Variants in MYO1E observed in about 807,000 individuals in gnomAD.
MYO1E encodes unconventional myosin-Ie.
In MYO1E, 68 loss-of-function variants were observed where a neutral mutation model predicts 151.1. The observed-to-expected ratio is 0.45, with a 90% CI of 0.37 to 0.55. The LOEUF (loss-of-function observed/expected upper bound fraction) is 0.55. Ranked by LOEUF, MYO1E falls within the 20% of genes least tolerant of loss-of-function variation. The probability of loss-of-function intolerance (pLI) is 0.00; values close to 1 mark genes in which losing one functional copy is unlikely to be tolerated. For synonymous variants in MYO1E, 601 were observed against 501.7 expected (o/e 1.20, Z -2.64); for missense variants, 1,363 against 1,389.3 (o/e 0.98, Z 0.30).
At position 59,137,348 on chromosome 15, in the gene MYO1E, C is replaced by T. The variant is rs777328038; in HGVS notation, c.*32G>A. On this transcript the variant is annotated 3_prime_UTR_variant, in exon 28 of 28. Transcript: ENST00000288235. ...CCTCCCCTGGTCTGTGCCTGGAGCTCCTCTGCCCCATGTGTCAGAGTCACG... is the reference window on the plus strand; with the variant it reads ...CCTCCCCTGGTCTGTGCCTGGAGCTTCTCTGCCCCATGTGTCAGAGTCACG... 1 of 1,592,342 alleles carries T rather than the reference C, an allele frequency of 6.3e-7. No individual in the cohort carries two copies. The highest frequency in any genetic ancestry group is 8.6e-7 in the Non-Finnish European group (1 of 1,160,092).
chr15:59,292,803 C>T (rs1434240729), intron 1 of MYO1E, among the ~76,000 whole-genome samples: 1 of 152,204 alleles, frequency 6.6e-6, no homozygotes, highest in Non-Finnish European at 1.5e-5. Flanking sequence ...CTGAACATAG[C>T]CCACTATCTA....
chr15:59,196,937 T>C (rs1234880262), intron 16 of MYO1E, among the ~76,000 whole-genome samples: 2 of 151,822 alleles, frequency 1.3e-5, no homozygotes, highest in Admixed American at 6.6e-5. Context: ...CCCAAATTCT[T>C]AATTTTTTAA....
intron 1 of MYO1E, among the ~76,000 whole-genome samples, chr15:59,305,650 C>T (rs2080510521): frequency 6.6e-6 from 1 of 152,212 alleles, no homozygotes. Context: ...TTCCTCCCAT[C>T]TGAACAACTG....
intron 16 of MYO1E, among the ~76,000 whole-genome samples, chr15:59,202,038 C>T (rs544968554): frequency 1.3e-5 from 2 of 152,336 alleles, no homozygotes; most frequent in African/African-American, 4.8e-5. Context: ...AACATAAATT[C>T]TTCCAGGTTC....
intron 23 of MYO1E, among the ~76,000 whole-genome samples, chr15:59,162,358 G>C (rs2079542383): frequency 6.6e-6 from 1 of 152,164 alleles, no homozygotes; most frequent in Admixed American, 6.5e-5. Flanking sequence ...AGAAATGAAG[G>C]TGAGGCTGGG....
rs527577651 is a variant in MYO1E at position 59,209,443 on chromosome 15, C to T, written c.1363-595G>A. On this transcript the variant is annotated intron_variant, in intron 13 of 27. Coordinates refer to ENST00000288235, the MANE Select transcript of MYO1E (RefSeq NM_004998.4). ...CTGTAATCCCAGCAATTTAGGAGGCCGAGGGGGGTGGATCACGAGGTCAGG... is the reference window on the plus strand; with the variant it reads ...CTGTAATCCCAGCAATTTAGGAGGCTGAGGGGGGTGGATCACGAGGTCAGG... 7.5e-5 allele frequency among the ~76,000 whole-genome samples: 10 copies of T among 133,468 alleles called. 2 individuals are homozygous for T. In the South Asian group the frequency reaches 2.8e-3, roughly 37 times the overall value. The allele number at this position is 133,468 out of a possible 152,430, so 87.6% of individuals were successfully genotyped here. A position where few individuals can be genotyped will look rare whatever the true frequency, so the allele number is the denominator to read the frequency against.
intron 1 of MYO1E, among the ~76,000 whole-genome samples, chr15:59,303,919 CA>C (rs1442317529): frequency 6.6e-6 from 1 of 151,856 alleles, no homozygotes; most frequent in Non-Finnish European, 1.5e-5. Flanking sequence ...AGTTTCCATA[CA>C]CATTAAAGTG....
At chr15:59,224,019 G>C (rs943037965) in intron 8 of MYO1E, among the ~76,000 whole-genome samples, 1 of 152,200 alleles carries the variant, frequency 6.6e-6, no homozygotes, top group African/African-American at 2.4e-5. Flanking sequence ...CTCAGTTCTG[G>C]ATCTGGGTTG....
chr15:59,235,408 C>A (rs1466103057), intron 5 of MYO1E, among the ~76,000 whole-genome samples: 1 of 151,684 alleles, frequency 6.6e-6, no homozygotes, highest in Non-Finnish European at 1.5e-5. Flanking sequence ...CTTTTGATCC[C>A]TCAAATGGCA....
At chr15:59,288,250 A>C (rs1195822221) in intron 1 of MYO1E, among the ~76,000 whole-genome samples, 1 of 152,154 alleles carries the variant, frequency 6.6e-6, no homozygotes, top group African/African-American at 2.4e-5. Context: ...ATCACAGCTC[A>C]CTGCAGCCTG....
intron 1 of MYO1E, among the ~76,000 whole-genome samples, chr15:59,282,479 C>T (rs1029493801): frequency 7.9e-5 from 12 of 151,962 alleles, no homozygotes; most frequent in African/African-American, 2.7e-4. Flanking sequence ...ATTACCAAAA[C>T]GGTTCTGTCC....
At position 59,324,663 on chromosome 15, in the gene MYO1E, GCC is replaced by G. The variant is rs10717159; in HGVS notation, c.3+47833_3+47834del. 7.4e-5 allele frequency among the ~76,000 whole-genome samples: 11 copies of G among 148,076 alleles called. No individual in the cohort carries two copies. The South Asian group carries it at 1.7e-3, about 23-fold the overall frequency. ...CTCGCCGTATTTATCCCCATCCCAA[GCC>G]CCCCCCCCACAGAGGGCAGCATACA... On this transcript the variant is annotated intron_variant, in intron 1 of 27. Transcript: ENST00000288235.
intron 9 of MYO1E, among the ~76,000 whole-genome samples, chr15:59,221,773 T>C (rs576267393): frequency 6.6e-6 from 1 of 152,294 alleles, no homozygotes; most frequent in East Asian, 1.9e-4. Flanking sequence ...TTCAAACATC[T>C]AGGGAAGTGT....
Position 59,171,941 on chromosome 15 carries a change from C to A in MYO1E, c.2436G>T (p.Leu812=), listed in dbSNP as rs2079597641. 6.2e-7 allele frequency: 1 copy of A among 1,614,246 alleles called. No homozygotes were observed. The highest frequency in any genetic ancestry group is 1.7e-5 in the Admixed American group (1 of 60,030). ...GPDKGLVKEV[L]KRKIEIERIL... is the part of the protein sequence containing the mutation. ...TCCGTTCTATCTCGATTTTCCGCTTCAGGACTTCTTTCACCAGGCCCTTGT... is the reference window on the plus strand; with the variant it reads ...TCCGTTCTATCTCGATTTTCCGCTTAAGGACTTCTTTCACCAGGCCCTTGT... Residue 812 remains leucine (L), a synonymous_variant, in exon 22 of 28, where the codon CTG becomes CTT. Coordinates refer to ENST00000288235, the MANE Select transcript of MYO1E (RefSeq NM_004998.4).
chr15:59,212,591 C>A (rs2079885936), intron 12 of MYO1E: 1 of 152,072 alleles, frequency 6.6e-6, no homozygotes. Context: ...TTAGAGTGAA[C>A]TTGAAATCCA....
chr15:59,331,012 C>A (rs192513037), intron 1 of MYO1E, among the ~76,000 whole-genome samples: 1 of 152,152 alleles, frequency 6.6e-6, no homozygotes, highest in African/African-American at 2.4e-5. Context: ...TCAAGCAATC[C>A]TCCTGTGTCG....
At chr15:59,216,623 T>TATCTATC (rs201595850) in intron 10 of MYO1E, among the ~76,000 whole-genome samples, 3 of 131,872 alleles carry the variant, frequency 2.3e-5, no homozygotes, top group African/African-American at 5.7e-5. Flanking sequence ...TCTATCTATC[T>TATCTATC]TTTGGATCGA....
chr15:59,182,586 T>C (rs1480905962), intron 18 of MYO1E, among the ~76,000 whole-genome samples: 1 of 152,154 alleles, frequency 6.6e-6, no homozygotes, highest in Non-Finnish European at 1.5e-5. Flanking sequence ...GACAAGGCTA[T>C]TTGTCTGTTC....
intron 1 of MYO1E, among the ~76,000 whole-genome samples, chr15:59,345,237 T>A (rs1195660053): frequency 6.7e-6 from 1 of 149,230 alleles, no homozygotes; most frequent in South Asian, 2.1e-4. Flanking sequence ...GTTGAAGTAT[T>A]TAAATGAGAG....
Sources: allele counts gnomAD v4.1 joint callset (sites outside exome capture counted in the v4.1 genomes callset), GRCh38; gene constraint gnomAD v4.1.1; transcripts MANE v1.5; gene names NCBI Gene and HGNC (gene_info 2026-07-23, HGNC 2026-07-21).